Variants in ATF7IP observed in about 807,000 individuals in gnomAD.
ATF7IP encodes activating transcription factor 7-interacting protein 1.
In ATF7IP, 23 loss-of-function variants were observed where a neutral mutation model predicts 106.4. The observed-to-expected ratio is 0.22, with a 90% CI of 0.16 to 0.31. ATF7IP has a LOEUF of 0.31. Among genes scored for constraint, ATF7IP ranks in the 10% least tolerant of loss-of-function variants. The pLI, the probability that ATF7IP is intolerant of heterozygous loss-of-function variation, is 1.00. For synonymous variants in ATF7IP, 542 were observed against 539.0 expected (o/e 1.01, Z -0.08); for missense variants, 1,334 against 1,524.3 (o/e 0.88, Z 2.08).
intron 2 of ATF7IP, among the ~76,000 whole-genome samples, chr12:14,429,114 TTTC>T (rs1253766793): frequency 2.0e-5 from 3 of 152,182 alleles, no homozygotes; most frequent in African/African-American, 7.2e-5. Context: ...GCTAGGACCA[TTTC>T]TTCTTCTGTT....
chr12:14,446,553 A>C (rs756071055), intron 5 of ATF7IP, among the ~76,000 whole-genome samples: 10 of 152,260 alleles, frequency 6.6e-5, no homozygotes, highest in Non-Finnish European at 1.3e-4. Flanking sequence ...AAAGTGTCAC[A>C]GTAAAGCCTA....
intron 1 of ATF7IP, among the ~76,000 whole-genome samples, chr12:14,370,120 A>G (rs1181332517): frequency 2.0e-5 from 3 of 152,072 alleles, no homozygotes; most frequent in Non-Finnish European, 4.4e-5. Context: ...TATTTTTAGT[A>G]GAGACGAGGT....
intron 5 of ATF7IP, among the ~76,000 whole-genome samples, chr12:14,444,053 T>C (rs1419837116): frequency 6.6e-6 from 1 of 152,130 alleles, no homozygotes; most frequent in East Asian, 1.9e-4. Flanking sequence ...AAGACTTGAT[T>C]CCTCTCAAAT....
intron 1 of ATF7IP, among the ~76,000 whole-genome samples, chr12:14,398,430 G>T (rs908448922): frequency 7.0e-6 from 1 of 142,062 alleles, no homozygotes; most frequent in Admixed American, 7.0e-5. Flanking sequence ...CTGTCATCTT[G>T]TTGGTATATT....
chr12:14,396,510 A>C (rs1485405648), intron 1 of ATF7IP, among the ~76,000 whole-genome samples: 1 of 152,180 alleles, frequency 6.6e-6, no homozygotes, highest in Non-Finnish European at 1.5e-5. Context: ...CTCAGTAAAC[A>C]ATTTCCCTAT....
Position 14,424,872 on chromosome 12 carries a change from AAAT to A in ATF7IP, c.958_960del (p.Asn320del), listed in dbSNP as rs754246436. The A allele has an allele frequency of 1.9e-6, 3 of 1,610,836 alleles. No homozygotes were observed. The highest frequency in any genetic ancestry group is 3.4e-5 in the Admixed American group (2 of 59,160). ...ATAAAGATGATGATTTTCTTGAAAA[AAAT>A]GGAGCTGATGAAAAATTAGAGCAAA... On this transcript the variant is annotated inframe_deletion, in exon 2 of 15. Transcript: ENST00000261168.
At chr12:14,468,791 G>A (rs2136759064) in intron 10 of ATF7IP, among the ~76,000 whole-genome samples, 1 of 152,278 alleles carries the variant, frequency 6.6e-6, no homozygotes, top group East Asian at 1.9e-4. Flanking sequence ...GTATATATGT[G>A]CTTTCAGTTA....
chr12:14,494,272 C>A (rs1203351682), intron 13 of ATF7IP, among the ~76,000 whole-genome samples: 2 of 99,462 alleles, frequency 2.0e-5, no homozygotes, highest in African/African-American at 3.7e-5. Context: ...TCTAGGGGGA[C>A]AGAGCTAATA....
At chr12:14,406,217 G>A (rs1280949173) in intron 1 of ATF7IP, among the ~76,000 whole-genome samples, 1 of 152,104 alleles carries the variant, frequency 6.6e-6, no homozygotes, top group East Asian at 1.9e-4. Flanking sequence ...TCCTGCCTCA[G>A]CCTTCTGAGT....
At chr12:14,429,776 G>A (rs985423396) in intron 2 of ATF7IP, among the ~76,000 whole-genome samples, 9 of 152,118 alleles carry the variant, frequency 5.9e-5, no homozygotes, top group African/African-American at 2.2e-4. Flanking sequence ...TGTTACTTAT[G>A]TACTTGGCTT....
chr12:14,388,164 C>A (rs950104578), intron 1 of ATF7IP, among the ~76,000 whole-genome samples: 2 of 152,008 alleles, frequency 1.3e-5, no homozygotes, highest in Non-Finnish European at 1.5e-5. Flanking sequence ...ATTCTCCTGT[C>A]TCAGCCTCCC....
intron 9 of ATF7IP, among the ~76,000 whole-genome samples, chr12:14,461,977 C>T (rs1235210151): frequency 6.6e-6 from 1 of 152,088 alleles, no homozygotes; most frequent in Non-Finnish European, 1.5e-5. Context: ...GTGAGATGTA[C>T]AAGCCTTAGT....
intron 1 of ATF7IP, among the ~76,000 whole-genome samples, chr12:14,372,254 A>G (rs1387398148): frequency 6.6e-6 from 1 of 152,140 alleles, no homozygotes; most frequent in Non-Finnish European, 1.5e-5. Context: ...AGAAAATTAA[A>G]CTTTTTATAG....
intron 1 of ATF7IP, among the ~76,000 whole-genome samples, chr12:14,393,615 TA>T (rs763386889): frequency 1.3e-4 from 20 of 152,300 alleles, no homozygotes; most frequent in East Asian, 7.7e-4. Flanking sequence ...TTTTATGTGA[TA>T]GGGGTAACTT....
intron 1 of ATF7IP, among the ~76,000 whole-genome samples, chr12:14,418,115 A>G (rs950170172): frequency 6.6e-6 from 1 of 152,162 alleles, no homozygotes; most frequent in African/African-American, 2.4e-5. Context: ...AAAATATTTT[A>G]AAAATAATTT....
intron 5 of ATF7IP, among the ~76,000 whole-genome samples, chr12:14,445,966 A>G (rs1942936841): frequency 1.3e-5 from 2 of 152,168 alleles, no homozygotes; most frequent in Admixed American, 1.3e-4. Context: ...GATACTACCA[A>G]ATATTCATGT....
At chr12:14,453,569 C>T (rs1044942980) in intron 6 of ATF7IP, among the ~76,000 whole-genome samples, 1 of 151,402 alleles carries the variant, frequency 6.6e-6, no homozygotes, top group Admixed American at 6.6e-5. Context: ...TTTGTTCATG[C>T]ACCCTTTTCC....
chr12:14,478,216 C>G (rs1944318672), intron 11 of ATF7IP, 101 bp from the exon 12 acceptor site: 3 of 1,074,754 alleles, frequency 2.8e-6, no homozygotes, highest in Admixed American at 3.9e-5. Flanking sequence ...GTAAATGTGA[C>G]ACACAAGTGG....
chr12:14,476,303 A>T (rs1591946679), intron 11 of ATF7IP: 5 of 172,310 alleles, frequency 2.9e-5, no homozygotes, highest in South Asian at 1.2e-4. Context: ...TCCCAGCTGC[A>T]TGGGAGGCTG....
Sources: allele counts gnomAD v4.1 joint callset (sites outside exome capture counted in the v4.1 genomes callset), GRCh38; gene constraint gnomAD v4.1.1; transcripts MANE v1.5; gene names NCBI Gene and HGNC (gene_info 2026-07-23, HGNC 2026-07-21).